Variants in LCOR observed in about 807,000 individuals in gnomAD.
The protein encoded by LCOR is ligand-dependent corepressor.
A neutral mutation model predicts 64.4 loss-of-function variants in LCOR; 14 were observed. The ratio of observed to expected loss-of-function variants is 0.22; its 90% CI spans 0.14 to 0.34. The LOEUF is 0.34. Ranked by LOEUF, LCOR falls within the 10% of genes least tolerant of loss-of-function variation. The pLI is 1.00. For synonymous variants in LCOR, 643 were observed against 642.5 expected (o/e 1.00, Z -0.01); for missense variants, 1,686 against 1,765.3 (o/e 0.96, Z 0.80).
At chr10:96,898,295 C>T (rs187719577) in intron 2 of LCOR, among the ~76,000 whole-genome samples, 83 of 152,216 alleles carry the variant, frequency 5.5e-4, no homozygotes, top group African/African-American at 1.9e-3. Flanking sequence ...ATATTGTGCT[C>T]AAGTGGCGTG....
intron 2 of LCOR, among the ~76,000 whole-genome samples, chr10:96,854,926 T>C (rs1050373303): frequency 1.3e-5 from 2 of 152,234 alleles, no homozygotes; most frequent in Non-Finnish European, 1.5e-5. Flanking sequence ...TTATCATACC[T>C]TTCCTACTGA....
intron 4 of LCOR, among the ~76,000 whole-genome samples, chr10:96,928,411 T>A (rs960449755): frequency 2.0e-5 from 3 of 152,138 alleles, no homozygotes; most frequent in East Asian, 3.8e-4. Context: ...TAAAAAAAAA[T>A]AAACCACTGT....
chr10:96,900,146 C>G (rs1294140546), intron 2 of LCOR, among the ~76,000 whole-genome samples: 3 of 152,130 alleles, frequency 2.0e-5, no homozygotes, highest in Non-Finnish European at 2.9e-5. Context: ...TTTGCCTTTT[C>G]AGTACATTTT....
intron 7 of LCOR, among the ~76,000 whole-genome samples, chr10:96,966,469 C>A (rs1415884445): frequency 6.6e-6 from 1 of 151,864 alleles, no homozygotes; most frequent in Admixed American, 6.6e-5. Context: ...ACCTCGTGAT[C>A]CGCCCGTCTC....
chr10:96,838,397 C>T (rs554830612), intron 2 of LCOR, among the ~76,000 whole-genome samples: 2 of 152,294 alleles, frequency 1.3e-5, no homozygotes, highest in Admixed American at 6.5e-5. Flanking sequence ...CCTGGGATTA[C>T]AGGTGTGCGC....
intron 2 of LCOR, among the ~76,000 whole-genome samples, chr10:96,834,739 C>T (rs1191472109): frequency 1.3e-5 from 2 of 152,040 alleles, no homozygotes; most frequent in East Asian, 1.9e-4. Context: ...TTTCTGAGTT[C>T]CATGTTGCTT....
intron 3 of LCOR, 23 bp from the exon 4 acceptor site, chr10:96,907,645 T>C (rs2134453304): frequency 1.1e-6 from 1 of 888,650 alleles, no homozygotes; most frequent in Admixed American, 6.2e-5. Flanking sequence ...TTTATGACTA[T>C]TAATTTGTTA....
intron 2 of LCOR, among the ~76,000 whole-genome samples, chr10:96,833,726 T>G (rs1845390043): frequency 6.6e-6 from 1 of 152,222 alleles, no homozygotes; most frequent in African/African-American, 2.4e-5. Context: ...CGGCAGAATC[T>G]AGGAGAGTCT....
chr10:96,944,906 T>A (rs1245203068), intron 5 of LCOR, among the ~76,000 whole-genome samples: 1 of 152,168 alleles, frequency 6.6e-6, no homozygotes, highest in African/African-American at 2.4e-5. Context: ...TTATCAATCC[T>A]TCATAGAGGC....
intron 2 of LCOR, among the ~76,000 whole-genome samples, chr10:96,841,308 A>G (rs1358897371): frequency 1.3e-5 from 2 of 152,068 alleles, no homozygotes; most frequent in African/African-American, 4.8e-5. Context: ...TATTAATGGT[A>G]TCACCATCTT....
chr10:96,852,558 T>C (rs1187454015), intron 2 of LCOR, among the ~76,000 whole-genome samples: 2 of 152,212 alleles, frequency 1.3e-5, no homozygotes, highest in African/African-American at 4.8e-5. Flanking sequence ...TATTATAAAA[T>C]CTGAACAAAA....
chr10:96,985,179 C>T lies in LCOR; in HGVS notation c.*45C>T, dbSNP rs763028480. 1.3e-6 allele frequency: 2 copies of T among 1,516,130 alleles called. No individual in the cohort carries two copies. The highest frequency in any genetic ancestry group is 2.3e-5 in the Admixed American group (1 of 43,262). 93.9% of individuals were successfully genotyped at this position (1,516,130 alleles called of 1,614,324 possible). A position where few individuals can be genotyped will look rare whatever the true frequency, so the allele number is the denominator to read the frequency against. ...GAGTAAAACTGTTCTATAGAAGTAA[C>T]CTTTTATTTTGCATTAACTAAATCT... On this transcript the variant is annotated 3_prime_UTR_variant, in exon 8 of 8. Coordinates refer to ENST00000421806, the MANE Select transcript of LCOR (RefSeq NM_001346516.2).
At chr10:96,833,737 A>G (rs950574467) in intron 2 of LCOR, among the ~76,000 whole-genome samples, 1 of 152,198 alleles carries the variant, frequency 6.6e-6, no homozygotes, top group Non-Finnish European at 1.5e-5. Context: ...AGGAGAGTCT[A>G]TCCGTTCGCT....
chr10:96,842,251 C>T (rs1156791232), intron 2 of LCOR, among the ~76,000 whole-genome samples: 1 of 151,948 alleles, frequency 6.6e-6, no homozygotes, highest in Non-Finnish European at 1.5e-5. Flanking sequence ...AAAAATTAGC[C>T]GGGTGTGGTG....
intron 2 of LCOR, among the ~76,000 whole-genome samples, chr10:96,901,981 A>G (rs867988858): frequency 6.6e-6 from 1 of 152,154 alleles, no homozygotes; most frequent in Non-Finnish European, 1.5e-5. Context: ...CATGTTGTCC[A>G]TACTGATAGT....
At chr10:96,849,501 C>T (rs961577980) in intron 2 of LCOR, among the ~76,000 whole-genome samples, 1 of 152,294 alleles carries the variant, frequency 6.6e-6, no homozygotes, top group South Asian at 2.1e-4. Context: ...CGAGCCACCA[C>T]GCCCAGCCAG....
chr10:96,981,411 A>C lies in LCOR; in HGVS notation c.951A>C (p.Val317=). Residue 317 remains valine (V), a synonymous_variant, in exon 8 of 8, where the codon GTA becomes GTC. Transcript: ENST00000421806. ...ACCATATGCAGAGTTCAGCTTTAGT[A>C]GAAAGTCTAATTACAGTAAAAATGG... ...GKDHMQSSAL[V]ESLITVKMAA... is the part of the protein sequence containing the mutation. 1 of 1,614,214 alleles carries C rather than the reference A, an allele frequency of 6.2e-7. No individual in the cohort carries two copies. Among genetic ancestry groups the C allele is most frequent in the Non-Finnish European group, 8.5e-7 (1 of 1,180,034 alleles).
chr10:96,929,675 GCTAA>G (rs1354747621), intron 4 of LCOR, among the ~76,000 whole-genome samples: 1 of 152,166 alleles, frequency 6.6e-6, no homozygotes, highest in Non-Finnish European at 1.5e-5. Flanking sequence ...CCACAAGTTG[GCTAA>G]CTGACATTAG....
At chr10:96,833,376 T>C in intron 1 of LCOR, 30 bp from the exon 2 acceptor site, 1 of 984,210 alleles carries the variant, frequency 1.0e-6, no homozygotes, top group East Asian at 1.1e-4. Context: ...CCTCTCACAC[T>C]GTGTGTTTTG....
Sources: gnomAD v4.1 joint callset for allele counts (sites outside exome capture counted in the v4.1 genomes callset) on GRCh38, gnomAD v4.1.1 for gene constraint, MANE v1.5 for transcripts, NCBI Gene and HGNC (gene_info 2026-07-23, HGNC 2026-07-21) for gene names.